SPHKAP: variants seen among roughly 807,000 people sequenced by gnomAD.
SPHKAP encodes SPHK1 interactor, AKAP domain containing, also known as A-kinase anchor protein SPHKAP.
A neutral mutation model predicts 137.5 loss-of-function variants in SPHKAP; 67 were observed. The observed-to-expected ratio is 0.49, with a 90% CI of 0.40 to 0.60. The LOEUF (loss-of-function observed/expected upper bound fraction) is 0.60. Among genes scored for constraint, SPHKAP ranks in the 20% least tolerant of loss-of-function variants. The probability of loss-of-function intolerance (pLI) is 0.00; values close to 1 mark genes in which losing one functional copy is unlikely to be tolerated. For synonymous variants in SPHKAP, 813 were observed against 785.3 expected (o/e 1.04, Z -0.59); for missense variants, 2,097 against 2,069.3 (o/e 1.01, Z -0.26).
At chr2:228,063,999 T>A (rs1240450247) in intron 3 of SPHKAP, among the ~76,000 whole-genome samples, 1 of 152,224 alleles carries the variant, frequency 6.6e-6, no homozygotes, top group Non-Finnish European at 1.5e-5. Context: ...AGCATCACTC[T>A]GGTCAATGTT....
chr2:228,004,191 T>C (rs1475642832), intron 7 of SPHKAP, among the ~76,000 whole-genome samples: 1 of 152,200 alleles, frequency 6.6e-6, no homozygotes, highest in African/African-American at 2.4e-5. Context: ...CATCTGGTCC[T>C]GGGCTTTTTT....
chr2:228,156,534 A>G (rs1348683994), intron 1 of SPHKAP, among the ~76,000 whole-genome samples: 2 of 152,268 alleles, frequency 1.3e-5, no homozygotes, highest in Admixed American at 6.5e-5. Context: ...ACAATCAGAA[A>G]GAACATAATC....
At position 228,157,970 on chromosome 2, in the gene SPHKAP, A is replaced by C. The variant is rs188736445; in HGVS notation, c.32+23597T>G. Among the ~76,000 whole-genome samples the C allele has an allele frequency of 5.3e-5, 8 of 152,356 alleles. No individual in the cohort carries two copies. In the East Asian group the frequency reaches 1.5e-3, roughly 29 times the overall value. On this transcript the variant is annotated intron_variant, in intron 1 of 11. Coordinates refer to ENST00000392056, the MANE Select transcript of SPHKAP (RefSeq NM_001142644.2). Reference sequence around the variant, plus strand: ...TGGTTATTAGCCTGCTGTAGAATGCATGAGACCAATGTGGAAATGCCAAGG... The same window carrying C: ...TGGTTATTAGCCTGCTGTAGAATGCCTGAGACCAATGTGGAAATGCCAAGG...
At chr2:228,003,794 G>A (rs1158479217) in intron 7 of SPHKAP, among the ~76,000 whole-genome samples, 1 of 152,090 alleles carries the variant, frequency 6.6e-6, no homozygotes, top group African/African-American at 2.4e-5. Flanking sequence ...TTTTGTCAAA[G>A]GACTTTTCTG....
rs202074786 is a variant in SPHKAP, at chr2:228,019,874, G to T, written c.980C>A (p.Ala327Asp). Residue 327 changes from alanine to aspartate, a missense_variant, in exon 7 of 12, where the codon GCT becomes GAT. Ala to Asp is a moderately radical substitution (Grantham distance 126). Transcript: ENST00000392056. ...RQATHYYHSE[A>D]FKGQMEKSQA... ...TGATTTTTCCATTTGACCTTTAAAA[G>T]CTTCTGAATGATAATAATGTGTGGC... 1.2e-6 allele frequency: 2 copies of T among 1,614,188 alleles called. No homozygotes were observed. The highest frequency in any genetic ancestry group is 2.2e-5 in the East Asian group (1 of 44,888).
chr2:228,132,362 C>A, intron 1 of SPHKAP: 1 of 180,920 alleles, frequency 5.5e-6, no homozygotes, highest in Non-Finnish European at 1.1e-5. Flanking sequence ...TGACTACTGG[C>A]CTTGTTAGCA....
intron 3 of SPHKAP, among the ~76,000 whole-genome samples, chr2:228,072,684 C>T (rs193127896): frequency 6.6e-6 from 1 of 152,154 alleles, no homozygotes. Context: ...CCTTGAGAAT[C>T]CTGAGCCACC....
chr2:228,044,577 A>T (rs1164079350), intron 3 of SPHKAP, among the ~76,000 whole-genome samples: 2 of 152,174 alleles, frequency 1.3e-5, no homozygotes, highest in African/African-American at 4.8e-5. Flanking sequence ...GAGGTAACTC[A>T]CTTTTCAAAA....
chr2:228,081,064 T>C (rs1464854467), intron 3 of SPHKAP, among the ~76,000 whole-genome samples: 2 of 152,174 alleles, frequency 1.3e-5, no homozygotes. Flanking sequence ...AAAAAAAATA[T>C]TAAGCTGAAA....
In SPHKAP at chr2:228,132,088, G is replaced by C. The variant is rs1699272474; in HGVS notation, c.33-3C>G. The C allele has an allele frequency of 1.2e-6, 2 of 1,612,942 alleles. No homozygotes were observed. Among genetic ancestry groups the C allele is most frequent in the Non-Finnish European group, 1.7e-6 (2 of 1,179,552 alleles). On this transcript the variant is annotated splice_polypyrimidine_tract_variant and splice_region_variant and intron_variant, in intron 1 of 11. Coordinates refer to ENST00000392056, the MANE Select transcript of SPHKAP (RefSeq NM_001142644.2). ...ACATCCGTGATGACTCCAAGTTGCT[G>C]TTTGTGACCCAAAACACAAAAACAC...
intron 3 of SPHKAP, among the ~76,000 whole-genome samples, chr2:228,040,806 T>TTAGTGCCATAAAAATTTA (rs1695808423): frequency 6.6e-6 from 1 of 152,244 alleles, no homozygotes; most frequent in Non-Finnish European, 1.5e-5. Flanking sequence ...TTAGTGTTAT[T>TTAGTGCCATAAAAATTTA]GTCTTAGACA....
At chr2:228,120,894 T>A (rs911594664) in intron 2 of SPHKAP, among the ~76,000 whole-genome samples, 2 of 152,162 alleles carry the variant, frequency 1.3e-5, no homozygotes, top group Non-Finnish European at 2.9e-5. Context: ...TGATCAGCAA[T>A]GGTTTAAGCA....
intron 3 of SPHKAP, among the ~76,000 whole-genome samples, chr2:228,105,331 G>A (rs924220245): frequency 2.0e-5 from 3 of 152,058 alleles, no homozygotes; most frequent in East Asian, 1.9e-4. Context: ...TACCACTTAC[G>A]TGAAGGACCT....
intron 7 of SPHKAP, chr2:227,996,041 G>A: frequency 1.0e-6 from 1 of 985,070 alleles, no homozygotes; most frequent in Non-Finnish European, 1.2e-6. Context: ...GAGAGATTAT[G>A]ATTCAGTGTT....
chr2:228,174,138 T>C (rs13015749), intron 1 of SPHKAP, among the ~76,000 whole-genome samples: 21 of 152,300 alleles, frequency 1.4e-4, no homozygotes, highest in African/African-American at 4.8e-4. Flanking sequence ...ACTCCCTGTG[T>C]TTCCATTGCT....
Position 228,084,453 on chromosome 2 carries a change from G to A in SPHKAP, c.246+24379C>T, listed in dbSNP as rs1383122168. Among the ~76,000 whole-genome samples, 15 of 152,036 alleles carry A rather than the reference G, an allele frequency of 9.9e-5. No individual in the cohort carries two copies. In the South Asian group the frequency reaches 2.3e-3, roughly 23 times the overall value. Reference sequence around the variant, plus strand: ...AAGAAAATAGATCCATTCACTTCATGTTTTTATACATTTATATATAAATAT... The same window carrying A: ...AAGAAAATAGATCCATTCACTTCATATTTTTATACATTTATATATAAATAT... On this transcript the variant is annotated intron_variant, in intron 3 of 11. Transcript: ENST00000392056.
At chr2:228,030,153 T>G (rs1695226391) in intron 3 of SPHKAP, among the ~76,000 whole-genome samples, 1 of 152,178 alleles carries the variant, frequency 6.6e-6, no homozygotes, top group Non-Finnish European at 1.5e-5. Flanking sequence ...TGCAATATCT[T>G]CATAGTAGGG....
chr2:228,154,530 ATATTTTTTTTTTTTTTTTTT>A (rs1559203967), intron 1 of SPHKAP, among the ~76,000 whole-genome samples: 8 of 48,438 alleles, frequency 1.7e-4, no homozygotes, highest in African/African-American at 5.8e-4. Flanking sequence ...ATATATATAT[ATATTTTTTTTTTTTTTTTTT>A]TTTTTTTTTT....
chr2:228,059,991 T>C (rs1203338791), intron 3 of SPHKAP, among the ~76,000 whole-genome samples: 2 of 152,176 alleles, frequency 1.3e-5, no homozygotes, highest in Non-Finnish European at 2.9e-5. Context: ...GATGAGGACA[T>C]TGAAGGGCAG....
Sources: gnomAD v4.1 joint callset for allele counts (sites outside exome capture counted in the v4.1 genomes callset) on GRCh38, gnomAD v4.1.1 for gene constraint, MANE v1.5 for transcripts, NCBI Gene and HGNC (gene_info 2026-07-23, HGNC 2026-07-21) for gene names.